The following ADAP1 variants were observed in gnomAD, a reference collection of about 807,000 sequenced individuals.
ADAP1 encodes ArfGAP with dual PH domains 1.
A neutral mutation model predicts 54.9 loss-of-function variants in ADAP1; 31 were observed. The ratio of observed to expected loss-of-function variants is 0.56; its 90% CI spans 0.42 to 0.76. The LOEUF (loss-of-function observed/expected upper bound fraction) is 0.76. ADAP1 is among the 30% of genes least tolerant of loss of function. The pLI is 0.00. For synonymous variants in ADAP1, 313 were observed against 202.6 expected (o/e 1.55, Z -4.63); for missense variants, 535 against 512.4 (o/e 1.04, Z -0.42).
At chr7:947,275 T>C (rs540499678) in intron 1 of ADAP1, among the ~76,000 whole-genome samples, 324 of 149,472 alleles carry the variant, frequency 2.2e-3, no homozygotes, top group Non-Finnish European at 4.0e-3. Context: ...CAGGCTGACC[T>C]TGAACTCCTG....
intron 4 of ADAP1, among the ~76,000 whole-genome samples, chr7:907,706 C>G (rs1013593339): frequency 6.6e-6 from 1 of 152,226 alleles, no homozygotes; most frequent in Non-Finnish European, 1.5e-5. Flanking sequence ...CCCGCCCCAA[C>G]AGCATGTGGC....
At position 898,655 on chromosome 7, in the gene ADAP1, C is replaced by T; in HGVS notation, c.*266G>A. ...GACTGGGCCCTGGAGGAAAGGGGGC[C>T]CCGGGTCAGGGAGGGGCAGGTTGGC... is the stretch of plus-strand genomic sequence containing the variant. On this transcript the variant is annotated 3_prime_UTR_variant, in exon 11 of 11. Transcript: ENST00000265846. The T allele has an allele frequency of 1.9e-6, 1 of 539,838 alleles. No homozygotes were observed. The highest frequency in any genetic ancestry group is 2.1e-5 in the South Asian group (1 of 48,738). The allele number at this position is 539,838 out of a possible 1,614,324, so 33.4% of individuals were successfully genotyped here. A position where few individuals can be genotyped will look rare whatever the true frequency, so the allele number is the denominator to read the frequency against.
rs1338550829 is a variant in ADAP1, at chr7:954,656, T to G, written c.-179A>C. The stretch of plus-strand genomic sequence containing the variant: ...CTGGGCTCCGCCGCCGCCGCTCGTG[T>G]CTCCGCCGCGGTCGCTGAGCGAGTG... On this transcript the variant is annotated 5_prime_UTR_variant, in exon 1 of 11. Transcript: ENST00000265846. 1 of 981,928 alleles carries G rather than the reference T, an allele frequency of 1.0e-6. No individual in the cohort carries two copies. The highest frequency in any genetic ancestry group is 1.2e-6 in the Non-Finnish European group (1 of 829,104). The allele number at this position is 981,928 out of a possible 1,614,324, so 60.8% of individuals were successfully genotyped here.
chr7:925,831 G>A (rs191360594), intron 3 of ADAP1, among the ~76,000 whole-genome samples: 86 of 152,362 alleles, frequency 5.6e-4, no homozygotes, highest in Admixed American at 1.5e-3. Flanking sequence ...TGGGTTCACG[G>A]AGTGAGTCAA....
rs1554274113 is a variant in ADAP1 at position 915,246 on chromosome 7, G to GCACACC, written c.388+4721_388+4722insGGTGTG. On this transcript the variant is annotated intron_variant, in intron 4 of 10. Coordinates refer to ENST00000265846, the MANE Select transcript of ADAP1 (RefSeq NM_006869.4). Reference sequence around the variant, plus strand: ...GCACTCACACCTGCACACCTCGCCTGTGCATCTCACCTGTGCCGCACACAC... The same window carrying GCACACC: ...GCACTCACACCTGCACACCTCGCCTGCACACCTGCATCTCACCTGTGCCGCACACAC... Among the ~76,000 whole-genome samples, 10 of 152,046 alleles carry GCACACC rather than the reference G, an allele frequency of 6.6e-5. 1 individual carries two copies. In the East Asian group the frequency reaches 1.8e-3, roughly 27 times the overall value.
intron 6 of ADAP1, among the ~76,000 whole-genome samples, chr7:901,583 C>G (rs1381924402): frequency 2.6e-5 from 4 of 152,298 alleles, no homozygotes; most frequent in Admixed American, 2.6e-4. Context: ...CCAGGCTCCT[C>G]CCATAGCAGT....
rs559744794 is a variant in ADAP1 at position 903,851 on chromosome 7, G to A, written c.648+275C>T. ...GACAGGGCCAAGCTGGGTGGCCCCA[G>A]AGACAGCGTGGTGATCCGGCTCCTG... On this transcript the variant is annotated intron_variant, in intron 6 of 10. Transcript: ENST00000265846. 209 of 389,318 alleles carry A rather than the reference G, an allele frequency of 5.4e-4. 1 individual carries two copies. The highest frequency in any genetic ancestry group is 4.3e-3 in the African/African-American group (200 of 46,812). The allele number at this position is 389,318 out of a possible 1,614,324, so 24.1% of individuals were successfully genotyped here.
chr7:938,069 G>A lies in ADAP1; in HGVS notation c.83-2564C>T, dbSNP rs983704936. On this transcript the variant is annotated intron_variant, in intron 1 of 10. Coordinates refer to ENST00000265846, the MANE Select transcript of ADAP1 (RefSeq NM_006869.4). The surrounding 1 kb of genome is among the most constrained non-coding windows in gnomAD (Gnocchi z 4.4). ...ACATTTGCCCAAGTGACCCTGTCTC[G>A]GGTACCAGGAGTTTTGCCTGTGCTG... 6.6e-6 allele frequency among the ~76,000 whole-genome samples: 1 copy of A among 152,200 alleles called. No homozygotes were observed. The highest frequency in any genetic ancestry group is 1.5e-5 in the Non-Finnish European group (1 of 68,036).
intron 7 of ADAP1, 62 bp from the exon 8 acceptor site, chr7:900,226 G>C (rs1407936333): frequency 6.3e-7 from 1 of 1,597,790 alleles, no homozygotes; most frequent in East Asian, 2.2e-5. Flanking sequence ...GCCCCTCCCT[G>C]GCTGTGCCCC....
chr7:947,228 T>C (rs2128112204), intron 1 of ADAP1, among the ~76,000 whole-genome samples: 1 of 147,486 alleles, frequency 6.8e-6, no homozygotes, highest in Non-Finnish European at 1.5e-5. Flanking sequence ...TTTTTTTTTT[T>C]TTTTTTTTTT....
intron 4 of ADAP1, among the ~76,000 whole-genome samples, chr7:913,889 C>T (rs148833445): frequency 1.2e-3 from 182 of 152,274 alleles, no homozygotes; most frequent in African/African-American, 4.1e-3. Context: ...GAGCTGAGAC[C>T]GCACCATTGC....
intron 2 of ADAP1, among the ~76,000 whole-genome samples, chr7:932,361 T>G: frequency 6.8e-6 from 1 of 147,368 alleles, no homozygotes; most frequent in Non-Finnish European, 1.5e-5. Flanking sequence ...ACATTTAGGG[T>G]TTTTCCAACA....
In ADAP1 at chr7:926,613, C is replaced by G; in HGVS notation, c.245G>C (p.Arg82Thr). 6.5e-7 allele frequency: 1 copy of G among 1,545,296 alleles called. No individual in the cohort carries two copies. The highest frequency in any genetic ancestry group is 1.4e-5 in the African/African-American group (1 of 72,440). ...FMASHGNDAA[R>T]ARFESKVPSF... ...GGGTACTTTGGACTCAAACCTGGCT[C>G]TCGCGGCGTCGTTCCCGTGGGAGGC... is the stretch of plus-strand genomic sequence containing the variant. The change falls in exon 3 of 11, where the codon AGA becomes ACA. Residue 82 changes from arginine to threonine, a missense_variant. Physicochemically the swap from Arg to Thr is moderately conservative, Grantham distance 71. Coordinates refer to ENST00000265846, the MANE Select transcript of ADAP1 (RefSeq NM_006869.4). This position sits in a 1 kb window ranked among gnomAD's most constrained non-coding sequence, Gnocchi z 4.6.
rs774744584 is a variant in ADAP1 at position 919,987 on chromosome 7, C to T, written c.369G>A (p.Lys123=). Residue 123 remains lysine, a synonymous_variant, in exon 4 of 11, where the codon AAG becomes AAA. Coordinates refer to ENST00000265846, the MANE Select transcript of ADAP1 (RefSeq NM_006869.4). ...CCTCACCTGCCGAGTAGGGCTCCTGCTTCTCCGGGTAGATGAACTCCTGTC... is the reference window on the plus strand; with the variant it reads ...CCTCACCTGCCGAGTAGGGCTCCTGTTTCTCCGGGTAGATGAACTCCTGTC... ...YERQEFIYPE[K]QEPYSAGYRE... is the part of the protein sequence containing the mutation. 1.2e-6 allele frequency: 2 copies of T among 1,606,896 alleles called. No homozygotes were observed. Among genetic ancestry groups the T allele is most frequent in the Non-Finnish European group, 1.7e-6 (2 of 1,179,382 alleles).
intron 4 of ADAP1, chr7:905,580 GAGAAAGGAGAAAGGAGAAAGGA>G (rs1845174197): frequency 1.9e-5 from 1 of 51,624 alleles, no homozygotes; most frequent in African/African-American, 1.5e-4. Context: ...AAGGAGAAAG[GAGAAAGGAGAAAGGAGAAAGGA>G]GAAAGGAGAA....
rs561451901 is a variant in ADAP1 at position 915,283 on chromosome 7, G to A, written c.388+4685C>T. On this transcript the variant is annotated intron_variant, in intron 4 of 10. Coordinates refer to ENST00000265846, the MANE Select transcript of ADAP1 (RefSeq NM_006869.4). The stretch of plus-strand genomic sequence containing the variant: ...TGTGCCGCACACACCCGTACATCTC[G>A]TCTGTGTACCTCACCCGTGCCTCAT... Among the ~76,000 whole-genome samples the A allele has an allele frequency of 6.1e-4, 92 of 151,944 alleles. No homozygotes were observed. In the Middle Eastern group the frequency reaches 0.01, roughly 17 times the overall value.
At chr7:909,879 C>T (rs374115576) in intron 4 of ADAP1, among the ~76,000 whole-genome samples, 1 of 152,252 alleles carries the variant, frequency 6.6e-6, no homozygotes, top group African/African-American at 2.4e-5. Flanking sequence ...CTACTGCACA[C>T]CAGGCCCTAC....
In ADAP1 at chr7:935,477, G is replaced by T; in HGVS notation, c.111C>A (p.Gly37=). ...PDPDWASYTL[G]VFICLSCSGI... ...CCGAGCAGCTCAGGCAGATGAAGAC[G>T]CCCAGAGTGTAGGAGGCCCAGTCGG... is the stretch of plus-strand genomic sequence containing the variant. Residue 37 remains glycine, a synonymous_variant, in exon 2 of 11, where the codon GGC becomes GGA. Transcript: ENST00000265846. 1.3e-6 allele frequency: 2 copies of T among 1,563,472 alleles called. No individual in the cohort carries two copies. The highest frequency in any genetic ancestry group is 1.7e-6 in the Non-Finnish European group (2 of 1,154,166).
At position 926,735 on chromosome 7, in the gene ADAP1, C is replaced by T; in HGVS notation, c.214-91G>A. On this transcript the variant is annotated intron_variant, in intron 2 of 10. Transcript: ENST00000265846. The surrounding 1 kb of genome is among the most constrained non-coding windows in gnomAD (Gnocchi z 4.6). ...GCCCTTGGGGCCGTCACCACAGTGA[C>T]CCGCAGACCCAAGGCTCTGAGGGCT... 2 of 1,064,958 alleles carry T rather than the reference C, an allele frequency of 1.9e-6. No individual in the cohort carries two copies. The allele number at this position is 1,064,958 out of a possible 1,614,324, so 66.0% of individuals were successfully genotyped here. A position where few individuals can be genotyped will look rare whatever the true frequency, so the allele number is the denominator to read the frequency against.
Sources: allele counts gnomAD v4.1 joint callset (sites outside exome capture counted in the v4.1 genomes callset), GRCh38; gene constraint gnomAD v4.1.1; non-coding constraint Gnocchi (gnomAD v3.1); transcripts MANE v1.5; gene names NCBI Gene and HGNC (gene_info 2026-07-23, HGNC 2026-07-21).